The following CDH12 variants were observed in gnomAD, a reference collection of about 807,000 sequenced individuals.
CDH12 encodes the protein cadherin-12.
Under a neutral mutation model 74.1 loss-of-function variants are expected in CDH12, and 41 were observed. The ratio of observed to expected loss-of-function variants is 0.55; its 90% CI spans 0.43 to 0.72. CDH12 has a LOEUF of 0.72. CDH12 is among the 30% of genes least tolerant of loss of function. CDH12 has a pLI of 0.00. For missense variants in CDH12, 945 were observed against 977.2 expected, an observed-to-expected ratio of 0.97 and a Z score of 0.44; for synonymous variants, 399 against 355.0, an observed-to-expected ratio of 1.12 and a Z score of -1.39.
intron 9 of CDH12, among the ~76,000 whole-genome samples, chr5:21,804,724 C>T (rs1413962820): frequency 3.3e-5 from 5 of 150,910 alleles, no homozygotes; most frequent in African/African-American, 9.8e-5. Context: ...CAAGGCTTGA[C>T]ATGCATCCTG....
chr5:22,097,403 T>C (rs73056491), intron 4 of CDH12, among the ~76,000 whole-genome samples: 23,212 of 151,868 alleles, frequency 0.15, 2,130 homozygotes, highest in African/African-American at 0.25. Context: ...AAGTAAGTCC[T>C]TAATCAATAA....
chr5:22,773,838 G>A (rs547174276), intron 1 of CDH12, among the ~76,000 whole-genome samples: 6 of 151,808 alleles, frequency 4.0e-5, no homozygotes, highest in African/African-American at 1.2e-4. Flanking sequence ...AAAAAGACAT[G>A]GACACTTCTT....
intron 1 of CDH12, among the ~76,000 whole-genome samples, chr5:22,838,490 A>G (rs931257293): frequency 1.3e-5 from 2 of 152,188 alleles, no homozygotes; most frequent in South Asian, 2.1e-4. Flanking sequence ...AAAATTTAGA[A>G]TGGGCTCTAT....
At chr5:22,164,121 C>T (rs1748525299) in intron 4 of CDH12, among the ~76,000 whole-genome samples, 1 of 152,182 alleles carries the variant, frequency 6.6e-6, no homozygotes, top group African/African-American at 2.4e-5. Flanking sequence ...GGGGTCCTTG[C>T]TCCCAGAGCT....
chr5:22,319,980 C>T (rs74328956), intron 3 of CDH12, among the ~76,000 whole-genome samples: 1 of 152,080 alleles, frequency 6.6e-6, no homozygotes, highest in African/African-American at 2.4e-5. Context: ...CTGACACTTG[C>T]ATCTATTGAG....
intron 3 of CDH12, among the ~76,000 whole-genome samples, chr5:22,243,107 C>G (rs990389413): frequency 2.0e-5 from 3 of 152,074 alleles, no homozygotes; most frequent in Admixed American, 6.6e-5. Flanking sequence ...AATTGTTGAA[C>G]TTTCTAAACA....
At chr5:21,884,140 G>T in intron 6 of CDH12, 3 of 1,527,014 alleles carry the variant, frequency 2.0e-6, no homozygotes, top group Non-Finnish European at 2.7e-6. Flanking sequence ...GTAGAAAAAG[G>T]AATTATTGAC....
intron 6 of CDH12, among the ~76,000 whole-genome samples, chr5:21,961,474 G>C (rs1033058952): frequency 6.6e-6 from 1 of 152,058 alleles, no homozygotes; most frequent in Non-Finnish European, 1.5e-5. Context: ...ATTTGAGTGC[G>C]TTATGGGTTG....
In CDH12 at chr5:21,880,051, T is replaced by C. The variant is rs560491348; in HGVS notation, c.527-25261A>G. On this transcript the variant is annotated intron_variant, in intron 6 of 14. Transcript: ENST00000382254. ...CTAATTTAGCAGCTGGCCCCAAAAG[T>C]CCACCTGGCAATCTGGAGTCCACAA... Among the ~76,000 whole-genome samples the C allele has an allele frequency of 2.0e-5, 3 of 152,270 alleles. No homozygotes were observed. In the South Asian group the frequency reaches 6.2e-4, roughly 32 times the overall value.
At chr5:22,486,350 A>G (rs189524184) in intron 2 of CDH12, among the ~76,000 whole-genome samples, 9 of 152,280 alleles carry the variant, frequency 5.9e-5, no homozygotes, top group Admixed American at 5.9e-4. Flanking sequence ...TAAGACACAC[A>G]AAAAACTCAT....
chr5:22,404,153 T>C (rs979954996), intron 3 of CDH12, among the ~76,000 whole-genome samples: 4 of 151,850 alleles, frequency 2.6e-5, no homozygotes, highest in Non-Finnish European at 5.9e-5. Context: ...TCTAAGTCAA[T>C]TGCCTTAAAA....
intron 1 of CDH12, among the ~76,000 whole-genome samples, chr5:22,801,636 CATATATATATATAT>C (rs568139109): frequency 0.017 from 883 of 50,880 alleles, 8 homozygotes; most frequent in Middle Eastern, 0.079. Context: ...CTCTGCTTAT[CATATATATATATAT>C]ATATATATAT....
At chr5:22,346,262 T>C (rs1447388813) in intron 3 of CDH12, among the ~76,000 whole-genome samples, 1 of 152,132 alleles carries the variant, frequency 6.6e-6, no homozygotes, top group Admixed American at 6.5e-5. Context: ...CAATTTTAAA[T>C]CTTCTTTGTT....
chr5:21,802,225 C>T lies in CDH12; in HGVS notation c.1198G>A (p.Gly400Arg), dbSNP rs371588079. The T allele has an allele frequency of 3.5e-5, 56 of 1,613,826 alleles. No individual in the cohort carries two copies. The African/African-American group carries it at 7.2e-4, about 21-fold the overall frequency. Residue 400 changes from glycine to arginine, a missense_variant, in exon 10 of 15, where the codon GGG becomes AGG. By Grantham distance (125) the Gly-to-Arg change is moderately radical. Coordinates refer to ENST00000382254, the MANE Select transcript of CDH12 (RefSeq NM_004061.5). ...TMEVYEDTPV[G>R]TIIGAVTAQD... Reference sequence around the variant, plus strand: ...GCAGTGACAGCGCCAATGATGGTCCCTACCGGAGTGTCTTCATAAACCTCC... The same window carrying T: ...GCAGTGACAGCGCCAATGATGGTCCTTACCGGAGTGTCTTCATAAACCTCC...
intron 2 of CDH12, among the ~76,000 whole-genome samples, chr5:22,453,038 C>A (rs1745117081): frequency 6.6e-6 from 1 of 151,794 alleles, no homozygotes; most frequent in Non-Finnish European, 1.5e-5. Flanking sequence ...AATGAAGTAT[C>A]ACCTCACTGC....
chr5:21,778,534 T>G (rs1350960689), intron 11 of CDH12, among the ~76,000 whole-genome samples: 21 of 151,022 alleles, frequency 1.4e-4, no homozygotes, highest in Non-Finnish European at 1.5e-4. Context: ...TTTTTTTTTT[T>G]TTGTTTAAAT....
At position 22,536,237 on chromosome 5, in the gene CDH12, G is replaced by A. The variant is rs561285949; in HGVS notation, c.-522-30873C>T. On this transcript the variant is annotated intron_variant, in intron 1 of 14. Coordinates refer to ENST00000382254, the MANE Select transcript of CDH12 (RefSeq NM_004061.5). ...ATCACAACGTATGTACTGACCTTGCGAAGCAATCTCATCATTCTATGTCTT... is the reference window on the plus strand; with the variant it reads ...ATCACAACGTATGTACTGACCTTGCAAAGCAATCTCATCATTCTATGTCTT... 1.9e-4 allele frequency among the ~76,000 whole-genome samples: 29 copies of A among 152,254 alleles called. 1 individual carries two copies. The highest frequency in any genetic ancestry group is 1.6e-3 in the Admixed American group (24 of 15,296).
intron 3 of CDH12, among the ~76,000 whole-genome samples, chr5:22,398,978 G>T (rs1396454284): frequency 6.6e-6 from 1 of 152,054 alleles, no homozygotes; most frequent in Non-Finnish European, 1.5e-5. Flanking sequence ...TGGGCAAATA[G>T]CAACATCACT....
intron 1 of CDH12, among the ~76,000 whole-genome samples, chr5:22,600,929 A>AG (rs1736828136): frequency 6.6e-6 from 1 of 152,086 alleles, no homozygotes; most frequent in Admixed American, 6.6e-5. Flanking sequence ...AATAAAATAA[A>AG]GCATGTAGAA....
Sources: allele counts gnomAD v4.1 joint callset (sites outside exome capture counted in the v4.1 genomes callset), GRCh38; gene constraint gnomAD v4.1.1; transcripts MANE v1.5; gene names NCBI Gene and HGNC (gene_info 2026-07-23, HGNC 2026-07-21).